The following AGBL4 variants were observed in gnomAD, a reference collection of about 807,000 sequenced individuals.
AGBL4 encodes the protein cytosolic carboxypeptidase 6.
In AGBL4, 58 loss-of-function variants were observed where a neutral mutation model predicts 66.4. That is an observed-to-expected ratio of 0.87 (90% confidence interval 0.71 to 1.09). AGBL4 has a LOEUF of 1.09. AGBL4 is among the 50% of genes least tolerant of loss of function. The probability of loss-of-function intolerance (pLI) is 0.00; values close to 1 mark genes in which losing one functional copy is unlikely to be tolerated. For synonymous variants in AGBL4, 234 were observed against 222.9 expected (o/e 1.05, Z -0.44); for missense variants, 579 against 631.0 (o/e 0.92, Z 0.88).
chr1:48,883,683 C>T (rs1650006212), intron 5 of AGBL4, among the ~76,000 whole-genome samples: 1 of 152,168 alleles, frequency 6.6e-6, no homozygotes, highest in Non-Finnish European at 1.5e-5. Context: ...ACCACTGTAG[C>T]CCCACCATCG....
intron 8 of AGBL4, among the ~76,000 whole-genome samples, chr1:48,635,666 G>A (rs1570085547): frequency 6.6e-6 from 1 of 152,242 alleles, no homozygotes; most frequent in African/African-American, 2.4e-5. Context: ...TCTACAAATG[G>A]ACCACAAGCT....
downstream of AGBL4, among the ~76,000 whole-genome samples, chr1:48,528,486 A>G (rs1643891216): frequency 6.6e-6 from 1 of 152,074 alleles, no homozygotes; most frequent in East Asian, 1.9e-4. Context: ...CATCATTAGG[A>G]TGACTTTCTG....
At chr1:49,045,474 C>T in intron 5 of AGBL4, 110 bp downstream of exon 5, 2 of 794,338 alleles carry the variant, frequency 2.5e-6, no homozygotes, top group South Asian at 4.3e-5. Context: ...ATTAAAAGTT[C>T]TGGAAAGCAC....
chr1:49,425,460 T>C (rs1242434796), intron 3 of AGBL4, among the ~76,000 whole-genome samples: 2 of 152,228 alleles, frequency 1.3e-5, no homozygotes, highest in African/African-American at 4.8e-5. Context: ...TTGTAATATT[T>C]ATAGCATTTA....
At chr1:49,683,378 G>A (rs545576495) in intron 3 of AGBL4, among the ~76,000 whole-genome samples, 3 of 152,102 alleles carry the variant, frequency 2.0e-5, no homozygotes, top group Non-Finnish European at 4.4e-5. Context: ...CAGAAACCAA[G>A]ATAATAGTAA....
chr1:48,797,012 G>T lies in AGBL4; in HGVS notation c.634+70179C>A, dbSNP rs564295030. On this transcript the variant is annotated intron_variant, in intron 6 of 13. Coordinates refer to ENST00000371839, the MANE Select transcript of AGBL4 (RefSeq NM_032785.4). ...CAATGATATGCACACCCTAAGAAAA[G>T]AAATATAATTATTGAGTCTTGAAGA... Among the ~76,000 whole-genome samples, 10 of 152,244 alleles carry T rather than the reference G, an allele frequency of 6.6e-5. No homozygotes were observed. In the South Asian group the frequency reaches 2.1e-3, roughly 32 times the overall value.
chr1:48,579,754 CAAA>C (rs542996148), intron 11 of AGBL4, among the ~76,000 whole-genome samples: 1 of 124,836 alleles, frequency 8.0e-6, no homozygotes, highest in African/African-American at 2.9e-5. Flanking sequence ...ACTAAAAATA[CAAA>C]AAAAAAAAAA....
chr1:49,544,707 G>A (rs1474167607), intron 3 of AGBL4, among the ~76,000 whole-genome samples: 2 of 152,188 alleles, frequency 1.3e-5, no homozygotes, highest in African/African-American at 4.8e-5. Context: ...TTACAGATTA[G>A]AAAACTGAGG....
chr1:48,771,733 C>T (rs1055044688), intron 6 of AGBL4, among the ~76,000 whole-genome samples: 1 of 152,236 alleles, frequency 6.6e-6, no homozygotes, highest in Non-Finnish European at 1.5e-5. Context: ...TGCTTCACTG[C>T]TAACTTTGTA....
chr1:48,790,429 C>CT (rs1205847531), intron 6 of AGBL4, among the ~76,000 whole-genome samples: 15 of 151,912 alleles, frequency 9.9e-5, no homozygotes, highest in Non-Finnish European at 1.8e-4. Context: ...TCTTTTTTCC[C>CT]TTTTTTTGGC....
At chr1:48,586,500 C>T (rs1171984704) in intron 11 of AGBL4, 2 of 159,000 alleles carry the variant, frequency 1.3e-5, no homozygotes. Context: ...GGAGAGGGAA[C>T]AAGGGTGAGA....
chr1:49,158,533 T>A (rs1202356400), intron 4 of AGBL4, among the ~76,000 whole-genome samples: 1 of 152,176 alleles, frequency 6.6e-6, no homozygotes, highest in Non-Finnish European at 1.5e-5. Flanking sequence ...CTGAGAAGAA[T>A]GTATATTCTG....
intron 8 of AGBL4, among the ~76,000 whole-genome samples, chr1:48,636,722 A>C (rs944707607): frequency 6.6e-6 from 1 of 152,228 alleles, no homozygotes; most frequent in East Asian, 1.9e-4. Context: ...ACAGAGAGAG[A>C]GCCCCACAGC....
At chr1:49,922,218 C>T (rs1215470748) in intron 1 of AGBL4, among the ~76,000 whole-genome samples, 1 of 152,114 alleles carries the variant, frequency 6.6e-6, no homozygotes, top group Non-Finnish European at 1.5e-5. Context: ...TGTGTATAAG[C>T]TTTTTCATGT....
At chr1:49,732,604 T>C (rs1316782145) in intron 2 of AGBL4, among the ~76,000 whole-genome samples, 1 of 152,098 alleles carries the variant, frequency 6.6e-6, no homozygotes, top group Non-Finnish European at 1.5e-5. Flanking sequence ...CAAATGGAAA[T>C]TCTAGTGTGG....
rs114008139 is a variant in AGBL4 at position 50,014,470 on chromosome 1, C to A, written c.34+9293G>T. Among the ~76,000 whole-genome samples, 90 of 151,842 alleles carry A rather than the reference C, an allele frequency of 5.9e-4. 1 individual carries two copies. The highest frequency in any genetic ancestry group is 2.0e-3 in the African/African-American group (81 of 41,448). ...AATGTTATTAGATCAACCCTTTTCA[C>A]CAAAGTATTCCTACTTTCAAGATCA... On this transcript the variant is annotated intron_variant, in intron 1 of 13. Coordinates refer to ENST00000371839, the MANE Select transcript of AGBL4 (RefSeq NM_032785.4).
intron 5 of AGBL4, among the ~76,000 whole-genome samples, chr1:48,873,521 G>A (rs1194373624): frequency 6.6e-6 from 1 of 152,086 alleles, no homozygotes; most frequent in Non-Finnish European, 1.5e-5. Context: ...TCTAGTGGTT[G>A]TGTGAGTTTC....
intron 6 of AGBL4, among the ~76,000 whole-genome samples, chr1:48,737,170 G>C (rs1385010013): frequency 2.0e-5 from 3 of 152,188 alleles, no homozygotes; most frequent in African/African-American, 4.8e-5. Context: ...TGTAGTCCCA[G>C]CTGCTTGGGA....
At position 49,851,521 on chromosome 1, in the gene AGBL4, A is replaced by G; in HGVS notation, c.35-3T>C. On this transcript the variant is annotated splice_region_variant and splice_polypyrimidine_tract_variant and intron_variant, in intron 1 of 13. Coordinates refer to ENST00000371839, the MANE Select transcript of AGBL4 (RefSeq NM_032785.4). Reference sequence around the variant, plus strand: ...ATCATCATTTCCCATATCATTGCCTATTTAAAAAAATTGAAATAAAAGTCA... The same window carrying G: ...ATCATCATTTCCCATATCATTGCCTGTTTAAAAAAATTGAAATAAAAGTCA... The G allele has an allele frequency of 6.5e-7, 1 of 1,543,454 alleles. No individual in the cohort carries two copies. The highest frequency in any genetic ancestry group is 1.4e-5 in the African/African-American group (1 of 72,728).
Sources: allele counts gnomAD v4.1 joint callset (sites outside exome capture counted in the v4.1 genomes callset), GRCh38; gene constraint gnomAD v4.1.1; transcripts MANE v1.5; gene names NCBI Gene and HGNC (gene_info 2026-07-23, HGNC 2026-07-21).